RNF123: variants seen among roughly 807,000 people sequenced by gnomAD.
The protein encoded by RNF123 is E3 ubiquitin-protein ligase RNF123.
A neutral mutation model predicts 168.5 loss-of-function variants in RNF123; 86 were observed. The ratio of observed to expected loss-of-function variants is 0.51; its 90% CI spans 0.43 to 0.61. RNF123 has a LOEUF of 0.61. RNF123 is among the 20% of genes least tolerant of loss of function. The pLI is 0.00. For missense variants in RNF123, 1,419 were observed against 1,729.7 expected (o/e 0.82, Z 3.19); for synonymous variants, 666 against 689.1 (o/e 0.97, Z 0.52).
At chr3:49,716,696 C>T in intron 35 of RNF123, 1 of 511,672 alleles carries the variant, frequency 2.0e-6, no homozygotes, top group Non-Finnish European at 3.5e-6. Flanking sequence ...GGACAGGTGG[C>T]CCTGGCCCAC....
chr3:49,719,732 C>T (rs2080350306), intron 35 of RNF123: 2 of 415,254 alleles, frequency 4.8e-6, no homozygotes, highest in Non-Finnish European at 8.9e-6. Context: ...AGGGGCGGGG[C>T]CCGGGCTCCT....
intron 19 of RNF123, 93 bp from the exon 20 acceptor site, chr3:49,702,540 G>A (rs150711622): frequency 6.2e-7 from 1 of 1,609,952 alleles, no homozygotes; most frequent in African/African-American, 1.3e-5. Flanking sequence ...TTCCCTCCCT[G>A]CTTAACCCTC....
intron 35 of RNF123, chr3:49,718,034 G>A (rs2080283557): frequency 6.2e-7 from 1 of 1,613,726 alleles, no homozygotes; most frequent in Non-Finnish European, 8.5e-7. Flanking sequence ...GGGTTGTAGA[G>A]ATCGAATTCC....
At chr3:49,719,197 A>T (rs749772156) in intron 35 of RNF123, 2 of 1,613,350 alleles carry the variant, frequency 1.2e-6, no homozygotes, top group African/African-American at 1.3e-5. Flanking sequence ...GTCTAGGTGC[A>T]GGGCGCGCAG....
rs1388005722 is a variant in RNF123 at position 49,721,521 on chromosome 3, T to C, written c.*216T>C. The C allele has an allele frequency of 2.4e-6, 2 of 818,362 alleles. No individual in the cohort carries two copies. The highest frequency in any genetic ancestry group is 4.1e-6 in the Non-Finnish European group (2 of 484,518). The allele number at this position is 818,362 out of a possible 1,614,324, so 50.7% of individuals were successfully genotyped here. ...GGCCACAGTGAGCATTAAATTATTA[T>C]TCCATACAGCCCTGGCCCTGGCCCT... On this transcript the variant is annotated 3_prime_UTR_variant, in exon 39 of 39. Coordinates refer to ENST00000327697, the MANE Select transcript of RNF123 (RefSeq NM_022064.5).
At chr3:49,719,456 A>G (rs770055927) in intron 35 of RNF123, 9 of 1,611,900 alleles carry the variant, frequency 5.6e-6, no homozygotes, top group Non-Finnish European at 6.8e-6. Flanking sequence ...AGCAGCACCA[A>G]CCAGGTCATG....
chr3:49,714,024 T>G (rs994556111), intron 30 of RNF123, 27 bp downstream of exon 30: 1 of 1,613,940 alleles, frequency 6.2e-7, no homozygotes, highest in Non-Finnish European at 8.5e-7. Context: ...GGGAAGTGGC[T>G]GAGGCTGGCT....
Position 49,699,482 on chromosome 3 carries a change from G to C in RNF123, c.779G>C (p.Gly260Ala), listed in dbSNP as rs1293826244. ...GSRPLRYPVAGYRPLQDPPSA... is the reference protein window; with the variant it reads ...GSRPLRYPVAAYRPLQDPPSA... ...AACTCTGGCACCTACCCAGTGGCAG[G>C]CTACCGGCCCCTGCAGGACCCACCG... The change falls in exon 11 of 39, where the codon GGC (glycine) becomes GCC (alanine). Residue 260 changes from glycine to alanine, a missense_variant. This residue lies in a region of RNF123 where 318 missense variants were observed against 446.6 expected (regional missense o/e 0.71). Coordinates refer to ENST00000327697, the MANE Select transcript of RNF123 (RefSeq NM_022064.5). The surrounding 1 kb of genome is among the most constrained non-coding windows in gnomAD (Gnocchi z 4.8). The C allele has an allele frequency of 6.2e-7, 1 of 1,605,288 alleles. No homozygotes were observed. Among genetic ancestry groups the C allele is most frequent in the South Asian group, 1.1e-5 (1 of 89,964 alleles).
At chr3:49,701,355 C>A in intron 15 of RNF123, 136 bp from the exon 16 acceptor site, 1 of 724,822 alleles carries the variant, frequency 1.4e-6, no homozygotes, top group Non-Finnish European at 2.4e-6. Flanking sequence ...GGGGGTCAGA[C>A]ACATAGCAGC....
At chr3:49,719,654 C>T (rs2080345219) in intron 35 of RNF123, 2 of 581,342 alleles carry the variant, frequency 3.4e-6, no homozygotes, top group Non-Finnish European at 6.2e-6. Context: ...GCACTCTTAG[C>T]CGCGCTCCCT....
chr3:49,713,710 C>T (rs1007353946), intron 28 of RNF123, 28 bp from the exon 29 acceptor site: 10 of 1,582,908 alleles, frequency 6.3e-6, no homozygotes, highest in African/African-American at 1.3e-5. Flanking sequence ...ATGCCAAGCC[C>T]CTGCTGAGGC....
Position 49,720,587 on chromosome 3 carries a change from C to T in RNF123, c.3577C>T (p.Pro1193Ser), listed in dbSNP as rs199541925. The T allele has an allele frequency of 1.9e-6, 3 of 1,611,826 alleles. No homozygotes were observed. In the African/African-American group the frequency reaches 4.0e-5, roughly 21 times the overall value. ...LRSICYLLGQ[P>S]EPPAPGTALP... ...CTCAATATGCTATCTCCTGGGACAG[C>T]CAGAGCCCCCAGCACCTGGCACTGC... The change falls in exon 36 of 39, where the codon CCA (proline) becomes TCA (serine). Residue 1193 changes from proline to serine, a missense_variant. By Grantham distance (74) the Pro-to-Ser change is moderately conservative. This residue lies in a region of RNF123 where 164 missense variants were observed against 152.3 expected (regional missense o/e 1.08). Transcript: ENST00000327697.
intron 25 of RNF123, 56 bp from the exon 26 acceptor site, chr3:49,706,735 G>A (rs1446157449): frequency 1.5e-5 from 22 of 1,486,748 alleles, no homozygotes; most frequent in East Asian, 2.3e-5. Flanking sequence ...CAGGATCAGG[G>A]TGGACCTGGG....
At chr3:49,720,165 A>C (rs968495369) in intron 35 of RNF123, 1 of 170,100 alleles carries the variant, frequency 5.9e-6, no homozygotes, top group Non-Finnish European at 1.2e-5. Flanking sequence ...AAAATACAAC[A>C]ATTAGCCGGG....
intron 3 of RNF123, among the ~76,000 whole-genome samples, chr3:49,694,307 G>A (rs2054226859): frequency 6.6e-6 from 1 of 152,112 alleles, no homozygotes; most frequent in African/African-American, 2.4e-5. Flanking sequence ...TACCATCAAG[G>A]TAATGGACAT....
intron 15 of RNF123, 110 bp downstream of exon 15, chr3:49,700,819 G>A (rs1478159883): frequency 2.6e-6 from 3 of 1,154,042 alleles, no homozygotes; most frequent in Admixed American, 3.5e-5. Context: ...AGCATCAGGA[G>A]GACCAGAGCT....
rs199930454 is a variant in RNF123 at position 49,698,070 on chromosome 3, T to C, written c.416T>C (p.Val139Ala). The change falls in exon 7 of 39, where the codon GTC becomes GCC. Residue 139 changes from valine (V) to alanine (A), a missense_variant. Val to Ala is a moderately conservative substitution (Grantham distance 64). Transcript: ENST00000327697. ...CVYKGKWLYE[V>A]LISSQGLMQI... ...TTTCCAGGGAAATGGCTCTACGAGG[T>C]CCTCATCTCCTCCCAGGGGCTCATG... 17 of 1,613,708 alleles carry C rather than the reference T, an allele frequency of 1.1e-5. No homozygotes were observed. Among genetic ancestry groups the C allele is most frequent in the Non-Finnish European group, 8.5e-7 (1 of 1,179,904 alleles).
intron 26 of RNF123, among the ~76,000 whole-genome samples, chr3:49,708,173 T>C (rs920041113): frequency 6.6e-6 from 1 of 152,148 alleles, no homozygotes; most frequent in Admixed American, 6.5e-5. Flanking sequence ...TTTGTTGGCG[T>C]GGCTGGTCTC....
At position 49,699,657 on chromosome 3, in the gene RNF123, C is replaced by T; in HGVS notation, c.880-11C>T. On this transcript the variant is annotated splice_polypyrimidine_tract_variant and intron_variant, in intron 11 of 38. Coordinates refer to ENST00000327697, the MANE Select transcript of RNF123 (RefSeq NM_022064.5). The surrounding 1 kb of genome is among the most constrained non-coding windows in gnomAD (Gnocchi z 4.8). ...GCCCCTCACACTTCTCCCTCCTCCC[C>T]CTCCACACAGGAGGGGCGGCTGTTG... is the stretch of plus-strand genomic sequence containing the variant. 1 of 1,613,648 alleles carries T rather than the reference C, an allele frequency of 6.2e-7. No individual in the cohort carries two copies. Among genetic ancestry groups the T allele is most frequent in the Non-Finnish European group, 8.5e-7 (1 of 1,179,822 alleles).
Sources: gnomAD v4.1 joint callset for allele counts (sites outside exome capture counted in the v4.1 genomes callset) on GRCh38, gnomAD v4.1.1 for gene constraint, gnomAD v4.1.1 regional missense constraint, Gnocchi (gnomAD v3.1) non-coding constraint, MANE v1.5 for transcripts, NCBI Gene and HGNC (gene_info 2026-07-23, HGNC 2026-07-21) for gene names.